Variants in KMT2E observed in about 807,000 individuals in gnomAD.
The protein encoded by KMT2E is lysine methyltransferase 2E (inactive).
A neutral mutation model predicts 184.6 loss-of-function variants in KMT2E; 30 were observed. The observed-to-expected ratio is 0.16, with a 90% CI of 0.12 to 0.22. The LOEUF (loss-of-function observed/expected upper bound fraction) is 0.22, where lower values mean the gene tolerates loss of function less well. Ranked by LOEUF, KMT2E falls within the 10% of genes least tolerant of loss-of-function variation. The pLI is 1.00. For synonymous variants in KMT2E, 815 were observed against 776.5 expected (o/e 1.05, Z -0.82); for missense variants, 2,023 against 2,237.4 (o/e 0.90, Z 1.93).
At chr7:105,084,501 C>T (rs916585020) in intron 13 of KMT2E, among the ~76,000 whole-genome samples, 1 of 152,022 alleles carries the variant, frequency 6.6e-6, no homozygotes. Flanking sequence ...GTGGCGGGCC[C>T]CTGTAATCCC....
Position 105,112,619 on chromosome 7 carries a change from T to C in KMT2E, c.4863T>C (p.Thr1621=). The C allele has an allele frequency of 6.2e-7, 1 of 1,613,892 alleles. No individual in the cohort carries two copies. The highest frequency in any genetic ancestry group is 8.5e-7 in the Non-Finnish European group (1 of 1,179,978). ...AGAACCCTACCATTCACCATCAAAC[T>C]GCTGCTGCCGTAGTCCCCCCTCCTC... The part of the protein sequence containing the change: ...PSQNPTIHHQ[T]AAAVVPPPPP... Residue 1621 remains threonine, a synonymous_variant, in exon 27 of 27, where the codon ACT becomes ACC. Coordinates refer to ENST00000311117, the MANE Select transcript of KMT2E (RefSeq NM_182931.3).
Position 105,077,175 on chromosome 7 carries a change from C to G in KMT2E, c.981C>G (p.Leu327=). The G allele has an allele frequency of 6.2e-7, 1 of 1,613,566 alleles. No individual in the cohort carries two copies. Among genetic ancestry groups the G allele is most frequent in the Non-Finnish European group, 8.5e-7 (1 of 1,179,656 alleles). Residue 327 remains leucine, a synonymous_variant, in exon 10 of 27, where the codon CTC becomes CTG. Transcript: ENST00000311117. The part of the protein sequence containing the change: ...NKSDLNTNNL[L]FKPPVESHIQ... ...CCGATTTGAATACCAACAATTTGCT[C>G]TTCAAACCTCCTGTAGAGGTAAATA...
At chr7:105,046,512 G>A (rs909863390) in intron 3 of KMT2E, among the ~76,000 whole-genome samples, 2 of 152,072 alleles carry the variant, frequency 1.3e-5, no homozygotes, top group Non-Finnish European at 2.9e-5. Context: ...ATTGAAATTA[G>A]CATTTTGGCA....
At chr7:105,080,635 G>GA (rs1797725622) in intron 12 of KMT2E, among the ~76,000 whole-genome samples, 1 of 152,212 alleles carries the variant, frequency 6.6e-6, no homozygotes, top group Non-Finnish European at 1.5e-5. Flanking sequence ...TATGAAGACT[G>GA]AAGGAGTTAA....
At chr7:105,055,236 T>C (rs925204142) in intron 3 of KMT2E, among the ~76,000 whole-genome samples, 1 of 149,460 alleles carries the variant, frequency 6.7e-6, no homozygotes, top group Non-Finnish European at 1.5e-5. Flanking sequence ...TTTTTTTTTT[T>C]GAGATGGGGT....
chr7:105,018,293 A>G (rs1286246463), intron 1 of KMT2E, among the ~76,000 whole-genome samples: 1 of 152,230 alleles, frequency 6.6e-6, no homozygotes, highest in Non-Finnish European at 1.5e-5. Context: ...TTGAAGAGCT[A>G]TCAAAACTGG....
intron 22 of KMT2E, 102 bp downstream of exon 22, chr7:105,108,027 TTTAGTTA>T (rs1798991107): frequency 1.6e-6 from 1 of 643,222 alleles, no homozygotes; most frequent in African/African-American, 1.9e-5. Context: ...GCATTCTTAA[TTTAGTTA>T]TTAAAGTTAC....
chr7:105,109,323 G>A, intron 23 of KMT2E, 95 bp downstream of exon 23: 4 of 1,258,200 alleles, frequency 3.2e-6, no homozygotes, highest in Non-Finnish European at 4.4e-6. Context: ...AGCTGATAGT[G>A]CTTCGTGGTC....
chr7:105,107,385 G>T lies in KMT2E; in HGVS notation c.2928G>T (p.Met976Ile). The T allele has an allele frequency of 6.3e-7, 1 of 1,596,006 alleles. No individual in the cohort carries two copies. Among genetic ancestry groups the T allele is most frequent in the South Asian group, 1.1e-5 (1 of 87,832 alleles). ...AGGGATATGACAGATCTTCAACCATGTTAACATTGGGGCCTTTTAGAAATT... is the reference window on the plus strand; with the variant it reads ...AGGGATATGACAGATCTTCAACCATTTTAACATTGGGGCCTTTTAGAAATT... ...SQEGYDRSSTMLTLGPFRNSN... is the reference protein window; with the variant it reads ...SQEGYDRSSTILTLGPFRNSN... Residue 976 changes from methionine to isoleucine, a missense_variant, in exon 22 of 27, where the codon ATG (methionine) becomes ATT (isoleucine). Transcript: ENST00000311117.
intron 1 of KMT2E, among the ~76,000 whole-genome samples, chr7:105,016,733 C>T (rs1379700910): frequency 6.6e-6 from 1 of 152,140 alleles, no homozygotes; most frequent in East Asian, 1.9e-4. Flanking sequence ...CTTTTCAATC[C>T]AGTAGTACTT....
chr7:105,080,258 A>G (rs1016018093), intron 12 of KMT2E, among the ~76,000 whole-genome samples: 4 of 152,196 alleles, frequency 2.6e-5, no homozygotes, highest in African/African-American at 4.8e-5. Flanking sequence ...TGTATGTTCT[A>G]CTGTAAAATT....
At chr7:105,053,862 A>G (rs1209020915) in intron 3 of KMT2E, among the ~76,000 whole-genome samples, 2 of 152,114 alleles carry the variant, frequency 1.3e-5, no homozygotes, top group East Asian at 1.9e-4. Context: ...GTGACAGAGT[A>G]ACGCCTTCTC....
chr7:105,106,008 A>G lies in KMT2E; in HGVS notation c.2596+5A>G. The G allele has an allele frequency of 6.3e-7, 1 of 1,597,788 alleles. No individual in the cohort carries two copies. The highest frequency in any genetic ancestry group is 8.5e-7 in the Non-Finnish European group (1 of 1,175,760). ...ATGACAGCTGTTCCCTTCCAGGTAG[A>G]ATTTTTTTTTCAGAGTTTTGGTTTG... On this transcript the variant is annotated splice_donor_5th_base_variant and intron_variant, in intron 19 of 26. Coordinates refer to ENST00000311117, the MANE Select transcript of KMT2E (RefSeq NM_182931.3).
At position 105,113,693 on chromosome 7, in the gene KMT2E, AT is replaced by A. The variant is rs756866380; in HGVS notation, c.*370del. On this transcript the variant is annotated 3_prime_UTR_variant, in exon 27 of 27. Coordinates refer to ENST00000311117, the MANE Select transcript of KMT2E (RefSeq NM_182931.3). ...TCAGCTAAGTAATGGCACTATGAGG[AT>A]TTTTTTTTTCTTTCCTGTCAGCAGC... The A allele has an allele frequency of 9.5e-4, 159 of 167,810 alleles. 1 individual carries two copies. The South Asian group carries it at 0.019, about 20-fold the overall frequency. The allele number at this position is 167,810 out of a possible 1,614,324, so 10.4% of individuals were successfully genotyped here.
chr7:105,014,764 G>A (rs1011725581), intron 1 of KMT2E, among the ~76,000 whole-genome samples: 1 of 152,114 alleles, frequency 6.6e-6, no homozygotes, highest in South Asian at 2.1e-4. Context: ...TTGGGAAAGG[G>A]GTAACTGGCA....
intron 1 of KMT2E, among the ~76,000 whole-genome samples, chr7:105,021,719 C>G (rs536400878): frequency 2.0e-5 from 3 of 151,930 alleles, no homozygotes; most frequent in East Asian, 1.9e-4. Context: ...GAGAAAGACA[C>G]GTTTAATTCT....
intron 15 of KMT2E, among the ~76,000 whole-genome samples, chr7:105,095,757 C>A (rs551119895): frequency 4.5e-4 from 68 of 152,236 alleles, no homozygotes; most frequent in South Asian, 2.9e-3. Flanking sequence ...GACTGAAATA[C>A]AGTAGACTGT....
At chr7:105,075,470 C>G (rs534221025) in intron 8 of KMT2E, among the ~76,000 whole-genome samples, 1 of 152,090 alleles carries the variant, frequency 6.6e-6, no homozygotes, top group Admixed American at 6.6e-5. Context: ...ATATTACTTG[C>G]TAGTTGCTTA....
chr7:105,073,418 A>T (rs1013339906), intron 6 of KMT2E, among the ~76,000 whole-genome samples: 2 of 151,634 alleles, frequency 1.3e-5, no homozygotes, highest in African/African-American at 4.9e-5. Context: ...AAAAAAAAAA[A>T]ATCAGAGTGA....
Sources: gnomAD v4.1 joint callset for allele counts (sites outside exome capture counted in the v4.1 genomes callset) on GRCh38, gnomAD v4.1.1 for gene constraint, MANE v1.5 for transcripts, NCBI Gene and HGNC (gene_info 2026-07-23, HGNC 2026-07-21) for gene names.